Variants in CACNG4 observed in about 807,000 individuals in gnomAD.
CACNG4 encodes calcium voltage-gated channel auxiliary subunit gamma 4, also known as voltage-dependent calcium channel gamma-4 subunit.
Under a neutral mutation model 22.9 loss-of-function variants are expected in CACNG4, and 8 were observed. The observed-to-expected ratio is 0.35, with a 90% CI of 0.21 to 0.63. The LOEUF is 0.63. Ranked by LOEUF, CACNG4 falls within the 30% of genes least tolerant of loss-of-function variation. The pLI is 0.72. For synonymous variants in CACNG4, 188 were observed against 191.9 expected (o/e 0.98, Z 0.17); for missense variants, 357 against 455.4 (o/e 0.78, Z 1.97).
chr17:67,016,634 A>G (rs1209779737), intron 1 of CACNG4, among the ~76,000 whole-genome samples: 1 of 152,138 alleles, frequency 6.6e-6, no homozygotes, highest in Non-Finnish European at 1.5e-5. Flanking sequence ...GCAGGAAAGG[A>G]ATTGGCCCCA....
At chr17:67,015,591 G>A (rs1001782128) in intron 1 of CACNG4, among the ~76,000 whole-genome samples, 1 of 152,182 alleles carries the variant, frequency 6.6e-6, no homozygotes, top group Non-Finnish European at 1.5e-5. Context: ...ATTATTTCAA[G>A]ACAAGTGTAA....
Position 67,027,652 on chromosome 17 carries a change from C to G in CACNG4, c.445+2652C>G, listed in dbSNP as rs978621276. Among the ~76,000 whole-genome samples the G allele has an allele frequency of 6.6e-6, 1 of 152,156 alleles. No homozygotes were observed. The highest frequency in any genetic ancestry group is 1.5e-5 in the Non-Finnish European group (1 of 68,024). ...TTCATGGAGTTGTTATTTAAGAAAC[C>G]CTTTTCCAACTCGTGCTGAATACAG... On this transcript the variant is annotated intron_variant, in intron 3 of 3. Transcript: ENST00000262138. This position sits in a 1 kb window ranked among gnomAD's most constrained non-coding sequence, Gnocchi z 4.3.
intron 1 of CACNG4, among the ~76,000 whole-genome samples, chr17:66,971,361 GAC>G (rs1184422109): frequency 6.6e-6 from 1 of 151,588 alleles, no homozygotes; most frequent in African/African-American, 2.4e-5. Context: ...TTGCTGCTGA[GAC>G]ACACACACGG....
chr17:66,994,340 A>C (rs1196567563), intron 1 of CACNG4, among the ~76,000 whole-genome samples: 2 of 144,908 alleles, frequency 1.4e-5, no homozygotes, highest in African/African-American at 2.9e-5. Flanking sequence ...AAAAAAAAAA[A>C]AAAAACTGCG....
intron 1 of CACNG4, among the ~76,000 whole-genome samples, chr17:67,016,615 G>A (rs2035499762): frequency 6.6e-6 from 1 of 152,206 alleles, no homozygotes; most frequent in Non-Finnish European, 1.5e-5. Flanking sequence ...GGGGGCGCTT[G>A]CAGCCGCTGC....
At chr17:66,985,610 A>G (rs75506989) in intron 1 of CACNG4, among the ~76,000 whole-genome samples, 3,866 of 152,294 alleles carry the variant, frequency 0.025, 117 homozygotes, top group African/African-American at 0.077. Context: ...GGGAATATAC[A>G]GAGGCACACG....
chr17:66,980,850 C>T (rs943328926), intron 1 of CACNG4, among the ~76,000 whole-genome samples: 1 of 151,988 alleles, frequency 6.6e-6, no homozygotes, highest in African/African-American at 2.4e-5. Flanking sequence ...AACTCCTGAC[C>T]TCAGGCAATC....
Position 67,032,368 on chromosome 17 carries a change from T to C in CACNG4, c.*1364T>C. On this transcript the variant is annotated 3_prime_UTR_variant, in exon 4 of 4. Transcript: ENST00000262138. ...CAGAACATGGAACTTAACCCTCTTT[T>C]GTATAAAACATGTGCTTTCTAAAGA... 4.6e-6 allele frequency: 1 copy of C among 218,398 alleles called. No homozygotes were observed. Among genetic ancestry groups the C allele is most frequent in the Non-Finnish European group, 9.2e-6 (1 of 108,568 alleles). The allele number at this position is 218,398 out of a possible 1,614,324, so 13.5% of individuals were successfully genotyped here.
At chr17:67,006,862 C>T (rs1169289323) in intron 1 of CACNG4, among the ~76,000 whole-genome samples, 1 of 152,178 alleles carries the variant, frequency 6.6e-6, no homozygotes, top group African/African-American at 2.4e-5. Context: ...CAAGGCACCT[C>T]AATGACTTTA....
chr17:66,966,177 C>T (rs1282340324), intron 1 of CACNG4, among the ~76,000 whole-genome samples: 1 of 152,106 alleles, frequency 6.6e-6, no homozygotes, highest in Non-Finnish European at 1.5e-5. Context: ...GGCTTCGGCG[C>T]CTTCCGGGCG....
At chr17:67,005,084 A>G (rs1399863046) in intron 1 of CACNG4, among the ~76,000 whole-genome samples, 1 of 152,212 alleles carries the variant, frequency 6.6e-6, no homozygotes, top group Non-Finnish European at 1.5e-5. Flanking sequence ...GGAGAGCTTA[A>G]CAGCCAAGAT....
chr17:66,964,871 G>GCGGGC lies in CACNG4; in HGVS notation c.-32_-28dup, dbSNP rs2035156273. ...GGAGGGAGGAGGGCGGGCGGGCGCG[G>GCGGGC]CGGGCCGGGCCGGCGGGCGGCGGAC... On this transcript the variant is annotated 5_prime_UTR_variant, in exon 1 of 4. Coordinates refer to ENST00000262138, the MANE Select transcript of CACNG4 (RefSeq NM_014405.4). 1.6e-6 allele frequency: 2 copies of GCGGGC among 1,243,180 alleles called. No homozygotes were observed. The highest frequency in any genetic ancestry group is 4.3e-5 in the South Asian group (2 of 46,010). 77.0% of individuals were successfully genotyped at this position (1,243,180 alleles called of 1,614,324 possible). A position where few individuals can be genotyped will look rare whatever the true frequency, so the allele number is the denominator to read the frequency against.
chr17:67,024,964 A>G lies in CACNG4; in HGVS notation c.409A>G (p.Ile137Val). The G allele has an allele frequency of 6.2e-7, 1 of 1,604,716 alleles. No individual in the cohort carries two copies. Among genetic ancestry groups the G allele is most frequent in the Non-Finnish European group, 8.5e-7 (1 of 1,176,890 alleles). The stretch of plus-strand genomic sequence containing the variant: ...CAGGATCTACAGCCGCAAGAACAAC[A>G]TCGTCCTCAGTGCCGGCATCCTCTT... ...AGRIYSRKNN[I>V]VLSAGILFVA... The change falls in exon 3 of 4, where the codon ATC becomes GTC. Residue 137 changes from isoleucine to valine, a missense_variant. Ile to Val is a conservative substitution (Grantham distance 29, BLOSUM62 3). This residue lies in a region of CACNG4 where 240 missense variants were observed against 277.6 expected (regional missense o/e 0.86). Coordinates refer to ENST00000262138, the MANE Select transcript of CACNG4 (RefSeq NM_014405.4).
chr17:67,029,109 G>T (rs2035585581), intron 3 of CACNG4, among the ~76,000 whole-genome samples: 1 of 152,148 alleles, frequency 6.6e-6, no homozygotes, highest in Non-Finnish European at 1.5e-5. Flanking sequence ...GAGGCAGGTG[G>T]ATCACGTAAG....
intron 2 of CACNG4, among the ~76,000 whole-genome samples, chr17:67,022,367 C>T (rs1470374844): frequency 6.6e-6 from 1 of 152,136 alleles, no homozygotes; most frequent in Non-Finnish European, 1.5e-5. Flanking sequence ...CTTTCGGATT[C>T]CTCTGACCTG....
At chr17:67,015,511 C>G (rs2035491916) in intron 1 of CACNG4, among the ~76,000 whole-genome samples, 1 of 152,140 alleles carries the variant, frequency 6.6e-6, no homozygotes, top group African/African-American at 2.4e-5. Context: ...ACGATGTTGT[C>G]ATGGGGAGAA....
At chr17:67,024,799 T>C in intron 2 of CACNG4, 61 bp from the exon 3 acceptor site, 1 of 1,428,232 alleles carries the variant, frequency 7.0e-7, no homozygotes, top group Non-Finnish European at 9.2e-7. Flanking sequence ...TACGCAGCCA[T>C]GCCCGGGAGG....
chr17:67,026,231 TGTG>T (rs998772697), intron 3 of CACNG4, among the ~76,000 whole-genome samples: 1 of 142,986 alleles, frequency 7.0e-6, no homozygotes, highest in African/African-American at 2.7e-5. Context: ...GTGTGAAGAG[TGTG>T]GTGTGTATAT....
Position 66,964,956 on chromosome 17 carries a change from C to G in CACNG4, c.45C>G (p.Ala15=). 6.2e-7 allele frequency: 1 copy of G among 1,607,492 alleles called. No homozygotes were observed. Among genetic ancestry groups the G allele is most frequent in the Non-Finnish European group, 8.5e-7 (1 of 1,178,164 alleles). Residue 15 remains alanine, a synonymous_variant, in exon 1 of 4, where the codon GCC becomes GCG. Transcript: ENST00000262138. ...GGCTGCAGATGCTGCTGACCACGGC[C>G]GGAGCCTTCGCCGCCTTCTCGCTCA... ...DRGLQMLLTT[A]GAFAAFSLMA... is the part of the protein sequence containing the mutation.
Sources: allele counts gnomAD v4.1 joint callset (sites outside exome capture counted in the v4.1 genomes callset), GRCh38; gene constraint gnomAD v4.1.1; regional missense constraint gnomAD v4.1.1; non-coding constraint Gnocchi (gnomAD v3.1); transcripts MANE v1.5; gene names NCBI Gene and HGNC (gene_info 2026-07-23, HGNC 2026-07-21).